Variants in FRMD3 observed in about 807,000 individuals in gnomAD.
FRMD3 encodes the protein FERM domain containing 3.
Under a neutral mutation model 70.2 loss-of-function variants are expected in FRMD3, and 33 were observed. The ratio of observed to expected loss-of-function variants is 0.47; its 90% confidence interval spans 0.36 to 0.63. The LOEUF is 0.63. FRMD3 is among the 20% of genes least tolerant of loss of function. The probability of loss-of-function intolerance (pLI) is 0.00; values close to 1 mark genes in which losing one functional copy is unlikely to be tolerated. For synonymous variants in FRMD3, 279 were observed against 255.9 expected (o/e 1.09, Z -0.86); for missense variants, 632 against 711.4 (o/e 0.89, Z 1.27).
At position 83,420,498 on chromosome 9, in the gene FRMD3, C is replaced by T. The variant is rs185150154; in HGVS notation, c.148-30790G>A. On this transcript the variant is annotated intron_variant, in intron 1 of 13. Coordinates refer to ENST00000304195, the MANE Select transcript of FRMD3 (RefSeq NM_174938.6). ...GTGATTCCCACCCCTCTCCTAATGG[C>T]AACAGTAAACCTAAAAGATACCTTT... 4.6e-5 allele frequency among the ~76,000 whole-genome samples: 7 copies of T among 152,282 alleles called. No individual in the cohort carries two copies. In the East Asian group the frequency reaches 1.2e-3, roughly 25 times the overall value.
At chr9:83,402,148 A>G (rs1321148744) in intron 1 of FRMD3, among the ~76,000 whole-genome samples, 1 of 151,402 alleles carries the variant, frequency 6.6e-6, no homozygotes, top group Non-Finnish European at 1.5e-5. Flanking sequence ...GTGAGTATAC[A>G]GCTCCAAGAA....
chr9:83,451,465 G>T (rs979816935), intron 1 of FRMD3, among the ~76,000 whole-genome samples: 6 of 151,476 alleles, frequency 4.0e-5, no homozygotes, highest in Non-Finnish European at 8.8e-5. Flanking sequence ...ATTTTAATGG[G>T]CAGCAATGAT....
At chr9:83,520,983 A>G (rs993745408) in intron 1 of FRMD3, among the ~76,000 whole-genome samples, 2 of 150,372 alleles carry the variant, frequency 1.3e-5, no homozygotes, top group Non-Finnish European at 3.0e-5. Flanking sequence ...AAAAAAAAAA[A>G]AAAAAAAAAG....
chr9:83,260,411 C>T (rs1451749086), intron 13 of FRMD3, among the ~76,000 whole-genome samples: 1 of 152,106 alleles, frequency 6.6e-6, no homozygotes. Flanking sequence ...GAGACTCTCA[C>T]TTCTTAACTA....
Position 83,462,187 on chromosome 9 carries a change from G to T in FRMD3, c.148-72479C>A, listed in dbSNP as rs571721999. ...ATGACTACTTAGCAGATAAACTCAG[G>T]TGTGCAAGAAATACAACAGTTCTCA... On this transcript the variant is annotated intron_variant, in intron 1 of 13. Coordinates refer to ENST00000304195, the MANE Select transcript of FRMD3 (RefSeq NM_174938.6). Among the ~76,000 whole-genome samples the T allele has an allele frequency of 9.2e-5, 14 of 152,300 alleles. No individual in the cohort carries two copies. The East Asian group carries it at 2.5e-3, about 27-fold the overall frequency.
intron 4 of FRMD3, among the ~76,000 whole-genome samples, chr9:83,348,028 C>T (rs1047346391): frequency 6.6e-6 from 1 of 152,132 alleles, no homozygotes; most frequent in African/African-American, 2.4e-5. Context: ...AACTGAAATG[C>T]TGTACTCTTT....
intron 1 of FRMD3, among the ~76,000 whole-genome samples, chr9:83,416,765 C>CTG (rs1385580174): frequency 9.5e-4 from 113 of 118,422 alleles, no homozygotes; most frequent in African/African-American, 3.6e-3. Flanking sequence ...CTCTCTCTCT[C>CTG]TCTCTCTCTC....
chr9:83,372,814 T>G, intron 3 of FRMD3, 99 bp downstream of exon 3: 1 of 1,104,220 alleles, frequency 9.1e-7, no homozygotes, highest in South Asian at 1.3e-5. Context: ...CAACACCTCT[T>G]CAACTCTATT....
At chr9:83,463,523 G>A (rs1828035374) in intron 1 of FRMD3, among the ~76,000 whole-genome samples, 1 of 152,152 alleles carries the variant, frequency 6.6e-6, no homozygotes, top group East Asian at 1.9e-4. Flanking sequence ...TCACTATCAT[G>A]AGAACAGTAG....
intron 3 of FRMD3, among the ~76,000 whole-genome samples, chr9:83,351,730 T>C (rs145437200): frequency 6.6e-5 from 10 of 151,340 alleles, no homozygotes; most frequent in Non-Finnish European, 1.0e-4. Flanking sequence ...GATAGATAGA[T>C]AGACATGCCA....
At chr9:83,351,145 C>G in intron 3 of FRMD3, 1 of 168,880 alleles carries the variant, frequency 5.9e-6, no homozygotes, top group Non-Finnish European at 1.2e-5. Flanking sequence ...ACTGTCTGGA[C>G]TACTCCAGAT....
At chr9:83,312,938 T>C (rs1489646852) in intron 7 of FRMD3, among the ~76,000 whole-genome samples, 1 of 152,234 alleles carries the variant, frequency 6.6e-6, no homozygotes. Context: ...TAAAGAAATT[T>C]GCCACTAAAA....
chr9:83,293,570 G>T (rs2118990971), intron 12 of FRMD3, among the ~76,000 whole-genome samples: 1 of 152,300 alleles, frequency 6.6e-6, no homozygotes, highest in East Asian at 1.9e-4. Context: ...GAGATACCAA[G>T]CATCCTGCTG....
chr9:83,275,075 G>GTA (rs1190229312), intron 13 of FRMD3, among the ~76,000 whole-genome samples: 1 of 152,198 alleles, frequency 6.6e-6, no homozygotes, highest in East Asian at 1.9e-4. Flanking sequence ...GAGTGGAGTT[G>GTA]TAAACATATT....
chr9:83,412,515 T>C (rs1327401205), intron 1 of FRMD3, among the ~76,000 whole-genome samples: 1 of 152,246 alleles, frequency 6.6e-6, no homozygotes, highest in African/African-American at 2.4e-5. Flanking sequence ...AAAGTCTTTT[T>C]AAAACATTTA....
At chr9:83,344,832 T>C (rs1823899925) in intron 4 of FRMD3, among the ~76,000 whole-genome samples, 2 of 151,188 alleles carry the variant, frequency 1.3e-5, no homozygotes, top group Non-Finnish European at 3.0e-5. Context: ...TGAGTGTGTG[T>C]GTGTGTGTGT....
chr9:83,361,226 C>T (rs530831442), intron 3 of FRMD3, among the ~76,000 whole-genome samples: 5 of 152,042 alleles, frequency 3.3e-5, no homozygotes, highest in South Asian at 2.1e-4. Context: ...GTATGTTTTG[C>T]TTTTTTTTGT....
At chr9:83,535,932 T>G (rs1027342720) in intron 1 of FRMD3, among the ~76,000 whole-genome samples, 2 of 152,226 alleles carry the variant, frequency 1.3e-5, no homozygotes, top group Non-Finnish European at 2.9e-5. Flanking sequence ...TTCGCATTGT[T>G]TTTTAATCCT....
chr9:83,475,923 C>T (rs971376906), intron 1 of FRMD3, among the ~76,000 whole-genome samples: 44 of 152,122 alleles, frequency 2.9e-4, no homozygotes, highest in African/African-American at 1.0e-3. Flanking sequence ...TTTCCTCCTC[C>T]CCCCAGGCCT....
Sources: allele counts gnomAD v4.1 joint callset (sites outside exome capture counted in the v4.1 genomes callset), GRCh38; gene constraint gnomAD v4.1.1; transcripts MANE v1.5; gene names NCBI Gene and HGNC (gene_info 2026-07-23, HGNC 2026-07-21).